Variants in ITGB5 observed in about 807,000 individuals in gnomAD.
ITGB5 encodes integrin beta-5.
Under a neutral mutation model 84.8 loss-of-function variants are expected in ITGB5, and 38 were observed. The observed-to-expected ratio is 0.45, with a 90% CI of 0.35 to 0.59. The LOEUF (loss-of-function observed/expected upper bound fraction) is 0.59. Ranked by LOEUF, ITGB5 falls within the 20% of genes least tolerant of loss-of-function variation. The pLI is 0.01. For missense variants in ITGB5, 905 were observed against 1,034.5 expected (o/e 0.87, Z 1.72); for synonymous variants, 393 against 414.4 (o/e 0.95, Z 0.63).
At chr3:124,774,048 G>GAGAT (rs920047475) in intron 10 of ITGB5, 136 bp from the exon 11 acceptor site, 18 of 774,164 alleles carry the variant, frequency 2.3e-5, no homozygotes, top group African/African-American at 6.9e-5. Context: ...CCTGTTTGGG[G>GAGAT]AGATAGACAG....
chr3:124,763,503 TAGA>T lies in ITGB5; in HGVS notation c.*117_*119del. 1.6e-6 allele frequency: 1 copy of T among 625,826 alleles called. No homozygotes were observed. The highest frequency in any genetic ancestry group is 2.9e-5 in the East Asian group (1 of 34,972). The allele number at this position is 625,826 out of a possible 1,614,324, so 38.8% of individuals were successfully genotyped here. On this transcript the variant is annotated 3_prime_UTR_variant, in exon 15 of 15. Transcript: ENST00000296181. ...CTGTGGGCTCCTGGCCCAGGCTCACTAGAAGGTCTTCTCTGTGGTGCCTACCTA... is the reference window on the plus strand; with the variant it reads ...CTGTGGGCTCCTGGCCCAGGCTCACTAGGTCTTCTCTGTGGTGCCTACCTA...
rs1314636144 is a variant in ITGB5 at position 124,808,890 on chromosome 3, C to T, written c.1263+132G>A. 34 of 1,026,504 alleles carry T rather than the reference C, an allele frequency of 3.3e-5. No individual in the cohort carries two copies. The African/African-American group carries it at 3.4e-4, about 10-fold the overall frequency. The allele number at this position is 1,026,504 out of a possible 1,614,324, so 63.6% of individuals were successfully genotyped here. A position where few individuals can be genotyped will look rare whatever the true frequency, so the allele number is the denominator to read the frequency against. ...CATGCAAAACAGGCTTAGGAGACTC[C>T]TCTGGGATGCTGAATTGGAAAACAG... On this transcript the variant is annotated intron_variant, in intron 9 of 14. Transcript: ENST00000296181.
chr3:124,893,177 G>T (rs1935036330), intron 1 of ITGB5, among the ~76,000 whole-genome samples: 4 of 152,138 alleles, frequency 2.6e-5, no homozygotes, highest in Admixed American at 2.6e-4. Context: ...GAAGGCCAAG[G>T]CAGGAAGATC....
At position 124,873,435 on chromosome 3, in the gene ITGB5, C is replaced by A; in HGVS notation, c.156+11G>T. ...TCCTTCCCTTCTTCCTCCCCTCCCC[C>A]ACCTACATACCTCTTTGGAGCACCA... is the stretch of plus-strand genomic sequence containing the variant. On this transcript the variant is annotated intron_variant, in intron 2 of 14. Coordinates refer to ENST00000296181, the MANE Select transcript of ITGB5 (RefSeq NM_002213.5). The A allele has an allele frequency of 6.3e-7, 1 of 1,597,076 alleles. No homozygotes were observed.
chr3:124,797,922 A>T (rs996428831), intron 9 of ITGB5, among the ~76,000 whole-genome samples: 1 of 152,064 alleles, frequency 6.6e-6, no homozygotes, highest in African/African-American at 2.4e-5. Context: ...CCCCACAAAC[A>T]GACTCACTGG....
chr3:124,798,546 A>G (rs1314339839), intron 9 of ITGB5, among the ~76,000 whole-genome samples: 8 of 151,708 alleles, frequency 5.3e-5, no homozygotes, highest in African/African-American at 1.5e-4. Context: ...CAGCCTCTCA[A>G]ATAGCTGGGA....
intron 2 of ITGB5, among the ~76,000 whole-genome samples, chr3:124,871,063 G>T (rs1233148877): frequency 6.6e-6 from 1 of 152,096 alleles, no homozygotes; most frequent in East Asian, 1.9e-4. Context: ...CTAATTTTTT[G>T]TATTTTTTGT....
chr3:124,877,902 G>C (rs1366864428), intron 1 of ITGB5, among the ~76,000 whole-genome samples: 1 of 152,052 alleles, frequency 6.6e-6, no homozygotes, highest in Non-Finnish European at 1.5e-5. Context: ...GGACTGCAGG[G>C]GCATGATCTT....
intron 2 of ITGB5, among the ~76,000 whole-genome samples, chr3:124,866,312 C>G (rs2065389091): frequency 6.6e-6 from 1 of 152,206 alleles, no homozygotes; most frequent in Non-Finnish European, 1.5e-5. Context: ...ATCAAGGTCT[C>G]TTACCCTGCA....
At chr3:124,845,247 A>G (rs1031891475) in intron 4 of ITGB5, among the ~76,000 whole-genome samples, 3 of 152,248 alleles carry the variant, frequency 2.0e-5, no homozygotes, top group African/African-American at 7.2e-5. Flanking sequence ...AGCCTGGCCA[A>G]CATGGTGAAA....
chr3:124,770,842 CAGGA>C (rs2150929923), intron 11 of ITGB5, among the ~76,000 whole-genome samples: 1 of 152,322 alleles, frequency 6.6e-6, no homozygotes, highest in African/African-American at 2.4e-5. Flanking sequence ...GGCTGGGGGC[CAGGA>C]AGGGGTGGTT....
chr3:124,803,039 T>A (rs2064340546), intron 9 of ITGB5, among the ~76,000 whole-genome samples: 1 of 152,230 alleles, frequency 6.6e-6, no homozygotes, highest in East Asian at 1.9e-4. Flanking sequence ...GGTGCCGGCC[T>A]GAGCAGAAGT....
At chr3:124,768,948 A>G in intron 12 of ITGB5, 65 bp downstream of exon 12, 1 of 1,342,202 alleles carries the variant, frequency 7.5e-7, no homozygotes, top group Non-Finnish European at 1.1e-6. Flanking sequence ...ACTCAAGGCT[A>G]AAACTACCCT....
At position 124,821,414 on chromosome 3, in the gene ITGB5, G is replaced by T. The variant is rs776086394; in HGVS notation, c.841C>A (p.Pro281Thr). ...HLLVFTTDDVPHIALDGKLGG... is the reference protein window; with the variant it reads ...HLLVFTTDDVTHIALDGKLGG... ...AATTTTCCATCCAATGCGATGTGGGGCACATCATCTGTTGTGAACACCAGC... is the reference window on the plus strand; with the variant it reads ...AATTTTCCATCCAATGCGATGTGGGTCACATCATCTGTTGTGAACACCAGC... The change falls in exon 6 of 15, where the codon CCC (proline) becomes ACC (threonine). Residue 281 changes from proline (P) to threonine (T), a missense_variant. Coordinates refer to ENST00000296181, the MANE Select transcript of ITGB5 (RefSeq NM_002213.5). 1 of 1,614,206 alleles carries T rather than the reference G, an allele frequency of 6.2e-7. No homozygotes were observed. The highest frequency in any genetic ancestry group is 1.1e-5 in the South Asian group (1 of 91,084).
rs554508992 is a variant in ITGB5 at position 124,829,377 on chromosome 3, G to A, written c.781-7903C>T. On this transcript the variant is annotated intron_variant, in intron 5 of 14. Coordinates refer to ENST00000296181, the MANE Select transcript of ITGB5 (RefSeq NM_002213.5). ...GGAGCGCGTGGGGCGGAAACGCACTGGACGCAGATGCATGAAGCCAGGCAT... is the reference window on the plus strand; with the variant it reads ...GGAGCGCGTGGGGCGGAAACGCACTAGACGCAGATGCATGAAGCCAGGCAT... Among the ~76,000 whole-genome samples, 3 of 152,356 alleles carry A rather than the reference G, an allele frequency of 2.0e-5. No homozygotes were observed. In the East Asian group the frequency reaches 5.8e-4, roughly 29 times the overall value.
intron 5 of ITGB5, among the ~76,000 whole-genome samples, chr3:124,833,726 T>C (rs898902196): frequency 2.0e-5 from 3 of 152,204 alleles, no homozygotes; most frequent in African/African-American, 7.2e-5. Flanking sequence ...TAAAGGCACC[T>C]GTGAGAATGA....
chr3:124,769,603 C>A (rs1013879281), intron 11 of ITGB5: 2 of 152,380 alleles, frequency 1.3e-5, no homozygotes, highest in African/African-American at 4.8e-5. Context: ...AGGGAGCTTT[C>A]AAGAGAAACT....
chr3:124,865,370 C>A (rs913775015), intron 2 of ITGB5, among the ~76,000 whole-genome samples: 1 of 151,524 alleles, frequency 6.6e-6, no homozygotes, highest in Non-Finnish European at 1.5e-5. Flanking sequence ...GGTTCCTGTA[C>A]ACAAACAAAG....
upstream of ITGB5, among the ~76,000 whole-genome samples, chr3:124,888,352 T>C (rs1934916441): frequency 6.6e-6 from 1 of 152,196 alleles, no homozygotes; most frequent in Non-Finnish European, 1.5e-5. Context: ...ATGCTCAGGC[T>C]TTCATCTTAT....
Sources: allele counts gnomAD v4.1 joint callset (sites outside exome capture counted in the v4.1 genomes callset), GRCh38; gene constraint gnomAD v4.1.1; transcripts MANE v1.5; gene names NCBI Gene and HGNC (gene_info 2026-07-23, HGNC 2026-07-21).